The following KCNQ4 variants were observed in gnomAD, a reference collection of about 807,000 sequenced individuals.
The protein encoded by KCNQ4 is potassium voltage-gated channel subfamily KQT member 4.
In KCNQ4, 31 loss-of-function variants were observed where a neutral mutation model predicts 72.6. The observed-to-expected ratio is 0.43, with a 90% CI of 0.32 to 0.58. KCNQ4 has a LOEUF of 0.58. KCNQ4 is among the 20% of genes least tolerant of loss of function. The probability of loss-of-function intolerance (pLI) is 0.08; values close to 1 mark genes in which losing one functional copy is unlikely to be tolerated. For missense variants in KCNQ4, 869 were observed against 962.6 expected (o/e 0.90, Z 1.29); for synonymous variants, 405 against 403.7 (o/e 1.00, Z -0.04).
intron 11 of KCNQ4, among the ~76,000 whole-genome samples, chr1:40,834,709 T>C (rs1648758654): frequency 6.6e-6 from 1 of 152,018 alleles, no homozygotes; most frequent in Admixed American, 6.5e-5. Context: ...TTCTCGAGGC[T>C]GATCTCCTGT....
chr1:40,784,372 GC>G lies in KCNQ4; in HGVS notation c.283del (p.Arg95AlafsTer44). 1 of 1,610,006 alleles carries G rather than the reference GC, an allele frequency of 6.2e-7. No homozygotes were observed. ...ACTGGGTCTACAACGTGCTGGAGCG[GC>G]CCCGCGGCTGGGCCTTCGTCTACCA... ...QNWVYNVLER[P>X]RGWAFVYHVF... On this transcript the variant is annotated frameshift_variant, in exon 1 of 14. Transcript: ENST00000347132. LOFTEE classifies it high-confidence loss of function. The surrounding 1 kb of genome is among the most constrained non-coding windows in gnomAD (Gnocchi z 4.1).
At chr1:40,828,336 G>A (rs1170816628) in intron 9 of KCNQ4, among the ~76,000 whole-genome samples, 3 of 152,166 alleles carry the variant, frequency 2.0e-5, no homozygotes, top group Non-Finnish European at 2.9e-5. Flanking sequence ...TGGCATCATT[G>A]ACATTAGATA....
In KCNQ4 at chr1:40,831,172, A is replaced by T; in HGVS notation, c.1381A>T (p.Met461Leu). 6.2e-7 allele frequency: 1 copy of T among 1,611,440 alleles called. No homozygotes were observed. Among genetic ancestry groups the T allele is most frequent in the Non-Finnish European group, 8.5e-7 (1 of 1,178,988 alleles). The change falls in exon 10 of 14, where the codon ATG becomes TTG. Residue 461 changes from methionine to leucine, a missense_variant. By Grantham distance (15) the Met-to-Leu change is conservative. Transcript: ENST00000347132. ...CAAGCAGCATCTGGCACCTCCAACA[A>T]TGCCCACCTCCCCAAGCAGCGAGCA... ...PSKQHLAPPTMPTSPSSEQVG... is the reference protein window; with the variant it reads ...PSKQHLAPPTLPTSPSSEQVG...
intron 1 of KCNQ4, among the ~76,000 whole-genome samples, chr1:40,812,541 C>T (rs747873809): frequency 4.6e-5 from 7 of 152,178 alleles, no homozygotes; most frequent in Admixed American, 2.0e-4. Context: ...GGATTACAGG[C>T]ATGAGCCACC....
chr1:40,822,524 G>C (rs1441245323), intron 8 of KCNQ4, 122 bp downstream of exon 8: 1 of 744,916 alleles, frequency 1.3e-6, no homozygotes, highest in Non-Finnish European at 2.3e-6. Flanking sequence ...GAGCACCCTG[G>C]GCTGGCTCTG....
rs1277886512 is a variant in KCNQ4 at position 40,806,169 on chromosome 1, C to T, written c.315-11096C>T. On this transcript the variant is annotated intron_variant, in intron 1 of 13. Coordinates refer to ENST00000347132, the MANE Select transcript of KCNQ4 (RefSeq NM_004700.4). The stretch of plus-strand genomic sequence containing the variant: ...CATGAAATTTTTACGCCAAAGCCAG[C>T]ATGTAAAACTGAGCCACCCGAATCT... 3.9e-5 allele frequency among the ~76,000 whole-genome samples: 6 copies of T among 152,212 alleles called. 1 individual carries two copies. In the South Asian group the frequency reaches 6.2e-4, roughly 16 times the overall value.
chr1:40,823,896 A>ACGGC (rs1648389484), intron 8 of KCNQ4, among the ~76,000 whole-genome samples: 2 of 152,170 alleles, frequency 1.3e-5, no homozygotes, highest in African/African-American at 4.8e-5. Flanking sequence ...CATGCTTGGC[A>ACGGC]TCCCTGGGAA....
At chr1:40,819,673 C>G (rs1194912164) in intron 5 of KCNQ4, among the ~76,000 whole-genome samples, 2 of 151,862 alleles carry the variant, frequency 1.3e-5, no homozygotes, top group Non-Finnish European at 2.9e-5. Flanking sequence ...CCCCAGCTAG[C>G]CCCGCACATC....
intron 1 of KCNQ4, among the ~76,000 whole-genome samples, chr1:40,802,287 G>T (rs1647602060): frequency 6.6e-6 from 1 of 151,728 alleles, no homozygotes; most frequent in African/African-American, 2.4e-5. Flanking sequence ...CCCCCTCTCC[G>T]CCCCTGGCCT....
In KCNQ4 at chr1:40,788,104, C is replaced by A. The variant is rs894193354; in HGVS notation, c.314+3697C>A. On this transcript the variant is annotated intron_variant, in intron 1 of 13. Coordinates refer to ENST00000347132, the MANE Select transcript of KCNQ4 (RefSeq NM_004700.4). The surrounding 1 kb of genome is among the most constrained non-coding windows in gnomAD (Gnocchi z 4.5). ...GGCCCGCAGACTCCTAACCCCCGAG[C>A]CCCCGACCTCCCACCCCGGCCATCT... 7.9e-5 allele frequency among the ~76,000 whole-genome samples: 12 copies of A among 152,080 alleles called. No individual in the cohort carries two copies. The highest frequency in any genetic ancestry group is 2.7e-4 in the African/African-American group (11 of 41,374).
chr1:40,838,247 C>A, intron 13 of KCNQ4, 64 bp from the exon 14 acceptor site: 1 of 1,447,342 alleles, frequency 6.9e-7, no homozygotes, highest in Non-Finnish European at 9.6e-7. Context: ...GAGACCCAAG[C>A]CCCGCCCCCG....
chr1:40,810,588 C>T (rs1400998077), intron 1 of KCNQ4, among the ~76,000 whole-genome samples: 1 of 152,200 alleles, frequency 6.6e-6, no homozygotes, highest in Non-Finnish European at 1.5e-5. Context: ...ATCCCCATCT[C>T]TCTGGCCTGG....
chr1:40,799,194 G>A (rs1280265200), intron 1 of KCNQ4, among the ~76,000 whole-genome samples: 1 of 152,228 alleles, frequency 6.6e-6, no homozygotes, highest in East Asian at 1.9e-4. Context: ...CCTACTCTGT[G>A]AGCAGAATCA....
intron 4 of KCNQ4, 99 bp from the exon 5 acceptor site, chr1:40,819,248 G>A (rs1648203418): frequency 1.4e-6 from 2 of 1,435,254 alleles, no homozygotes; most frequent in Non-Finnish European, 1.9e-6. Flanking sequence ...CTGGGACTCC[G>A]GGAGATGGGG....
At chr1:40,827,521 C>T (rs1648517407) in intron 9 of KCNQ4, among the ~76,000 whole-genome samples, 1 of 152,166 alleles carries the variant, frequency 6.6e-6, no homozygotes, top group Non-Finnish European at 1.5e-5. Flanking sequence ...CTGGGTCATG[C>T]AGAACCTAAA....
At chr1:40,822,620 T>C (rs1286680878) in intron 8 of KCNQ4, among the ~76,000 whole-genome samples, 6 of 152,182 alleles carry the variant, frequency 3.9e-5, no homozygotes, top group African/African-American at 2.4e-5. Flanking sequence ...ACATAGGGCA[T>C]TGGTGAAGCC....
intron 1 of KCNQ4, among the ~76,000 whole-genome samples, chr1:40,811,674 G>T (rs1647932260): frequency 6.6e-6 from 1 of 152,222 alleles, no homozygotes; most frequent in Admixed American, 6.5e-5. Context: ...GAGAGGAAAG[G>T]TTGGATAAGC....
chr1:40,825,417 A>T (rs1466227853), intron 9 of KCNQ4, among the ~76,000 whole-genome samples: 1 of 152,128 alleles, frequency 6.6e-6, no homozygotes, highest in Non-Finnish European at 1.5e-5. Flanking sequence ...GTTTAGGCTG[A>T]TTGGGGCTCT....
chr1:40,819,617 G>A, intron 5 of KCNQ4, 145 bp downstream of exon 5: 1 of 1,119,972 alleles, frequency 8.9e-7, no homozygotes, highest in Non-Finnish European at 1.3e-6. Context: ...CCTGAGACCA[G>A]CCCCAATGCT....
Sources: gnomAD v4.1 joint callset for allele counts (sites outside exome capture counted in the v4.1 genomes callset) on GRCh38, gnomAD v4.1.1 for gene constraint, Gnocchi (gnomAD v3.1) non-coding constraint, MANE v1.5 for transcripts, NCBI Gene and HGNC (gene_info 2026-07-23, HGNC 2026-07-21) for gene names.